Variants in TOP2A observed in about 807,000 individuals in gnomAD.
TOP2A encodes the protein DNA topoisomerase II alpha.
In TOP2A, 68 loss-of-function variants were observed where a neutral mutation model predicts 187.2. The observed-to-expected ratio is 0.36, with a 90% CI of 0.30 to 0.44. The LOEUF is 0.44. Among genes scored for constraint, TOP2A ranks in the 20% least tolerant of loss-of-function variants. The probability of loss-of-function intolerance (pLI) is 1.00; values close to 1 mark genes in which losing one functional copy is unlikely to be tolerated. For synonymous variants in TOP2A, 542 were observed against 593.2 expected (o/e 0.91, Z 1.25); for missense variants, 1,196 against 1,808.7 (o/e 0.66, Z 6.14).
Position 40,399,109 on chromosome 17 carries a change from T to C in TOP2A, c.3219A>G (p.Leu1073=). 1.9e-6 allele frequency: 3 copies of C among 1,562,964 alleles called. No individual in the cohort carries two copies. Among genetic ancestry groups the C allele is most frequent in the Non-Finnish European group, 2.6e-6 (3 of 1,151,302 alleles). ...IIIENKPKKE[L]IKVLIQRGYD... is the part of the protein sequence containing the mutation. The stretch of plus-strand genomic sequence containing the variant: ...ATCCCCTCTGAATCAGAACTTTAAT[T>C]AATTCTTTCTTAGGCTTATTTTCTA... The change falls in exon 25 of 35, where the codon TTA becomes TTG. Residue 1073 remains leucine, a synonymous_variant. Coordinates refer to ENST00000423485, the MANE Select transcript of TOP2A (RefSeq NM_001067.4).
chr17:40,406,844 A>G lies in TOP2A; in HGVS notation c.1725T>C (p.Thr575=). The change falls in exon 14 of 35, where the codon ACT becomes ACC. Residue 575 remains threonine (T), a synonymous_variant. Coordinates refer to ENST00000423485, the MANE Select transcript of TOP2A (RefSeq NM_001067.4). The stretch of plus-strand genomic sequence containing the variant: ...GAAATTAGCGTACCTTTACAATGGG[A>G]GTGATAAATTCCTCCAGAAAACGAT... ...LRHRFLEEFI[T]PIVKVSKNKQ... is the part of the protein sequence containing the mutation. The G allele has an allele frequency of 6.2e-7, 1 of 1,605,174 alleles. No homozygotes were observed. Among genetic ancestry groups the G allele is most frequent in the Non-Finnish European group, 8.5e-7 (1 of 1,174,674 alleles).
At chr17:40,396,597 A>G (rs753330128) in intron 27 of TOP2A, 132 bp from the exon 28 acceptor site, 37 of 1,120,012 alleles carry the variant, frequency 3.3e-5, no homozygotes, top group Non-Finnish European at 4.6e-5. Flanking sequence ...ATAACCTAGT[A>G]TACTATCAAC....
intron 23 of TOP2A, 65 bp downstream of exon 23, chr17:40,400,144 T>G: frequency 1.3e-6 from 2 of 1,583,998 alleles, no homozygotes; most frequent in Non-Finnish European, 1.7e-6. Flanking sequence ...AAGATATACT[T>G]TTAAAATTGA....
Position 40,399,960 on chromosome 17 carries a change from C to T in TOP2A, c.3108G>A (p.Trp1036Ter). ...ATTCAGCACCAAGCATTCCTAGGAG[C>T]CATTCTTTTCTTAATCCATAATATT... ...RLKYYGLRKE[W>*]LLGMLGAESA... The change falls in exon 24 of 35, where the codon TGG (tryptophan) becomes TGA (stop). Residue 1036 changes from tryptophan (W) to a stop codon, truncating the protein, a stop_gained. Transcript: ENST00000423485. LOFTEE classifies it high-confidence loss of function. 6.2e-7 allele frequency: 1 copy of T among 1,613,408 alleles called. No homozygotes were observed. Among genetic ancestry groups the T allele is most frequent in the Non-Finnish European group, 8.5e-7 (1 of 1,179,690 alleles).
chr17:40,399,231 C>T lies in TOP2A; in HGVS notation c.3197-100G>A, dbSNP rs189593245. 1.1e-4 allele frequency: 92 copies of T among 841,526 alleles called. No homozygotes were observed. In the African/African-American group the frequency reaches 1.3e-3, roughly 12 times the overall value. 52.1% of individuals were successfully genotyped at this position (841,526 alleles called of 1,614,324 possible). ...CAAAAGTTTAAAACTGGAAATTAAA[C>T]TGTCTTCGTGCTTGCATAAATTTGT... On this transcript the variant is annotated intron_variant, in intron 24 of 34. Coordinates refer to ENST00000423485, the MANE Select transcript of TOP2A (RefSeq NM_001067.4).
Position 40,402,956 on chromosome 17 carries a change from T to C in TOP2A, c.2382A>G (p.Leu794=), listed in dbSNP as rs766736084. The C allele has an allele frequency of 6.2e-7, 1 of 1,609,194 alleles. No individual in the cohort carries two copies. Among genetic ancestry groups the C allele is most frequent in the Non-Finnish European group, 8.5e-7 (1 of 1,177,640 alleles). The change falls in exon 20 of 35, where the codon CTA becomes CTG. Residue 794 remains leucine (L), a synonymous_variant. Coordinates refer to ENST00000423485, the MANE Select transcript of TOP2A (RefSeq NM_001067.4). The part of the protein sequence containing the change: ...LQPIGQFGTR[L]HGGKDSASPR... ...GACTAGCAGAATCCTTGCCACCATG[T>C]AGCCTGGTACCAAACTGACCAATGG...
Position 40,400,053 on chromosome 17 carries a change from G to A in TOP2A, c.3015C>T (p.His1005=), listed in dbSNP as rs372742697. 6.2e-6 allele frequency: 10 copies of A among 1,605,366 alleles called. No individual in the cohort carries two copies. Among genetic ancestry groups the A allele is most frequent in the East Asian group, 2.2e-5 (1 of 44,832 alleles). The change falls in exon 24 of 35, where the codon CAC becomes CAT. Residue 1005 remains histidine, a synonymous_variant. Transcript: ENST00000423485. ...TGTCATATTTCTTTAAACAGCCTAC[G>A]TGGTCAAAAAGCACCTGAAAAAGGA... ...LTCNSMVLFD[H]VGCLKKYDTV...
rs1290361466 is a variant in TOP2A at position 40,389,476 on chromosome 17, T to C, written c.*43A>G. 6.4e-7 allele frequency: 1 copy of C among 1,556,352 alleles called. No individual in the cohort carries two copies. The highest frequency in any genetic ancestry group is 8.7e-7 in the Non-Finnish European group (1 of 1,148,930). ...GCTTCAGGTAACTTTAAAACCAGTC[T>C]TGGGCTTGGTAAGATAATTACTTAA... On this transcript the variant is annotated 3_prime_UTR_variant, in exon 35 of 35. Transcript: ENST00000423485.
chr17:40,398,503 G>A (rs1247779073), intron 27 of TOP2A, 55 bp downstream of exon 27: 4 of 1,416,262 alleles, frequency 2.8e-6, no homozygotes, highest in Non-Finnish European at 3.9e-6. Flanking sequence ...GTATACTGCT[G>A]GAATATATTA....
chr17:40,394,778 G>A (rs1051065665), intron 29 of TOP2A, among the ~76,000 whole-genome samples: 1 of 152,136 alleles, frequency 6.6e-6, no homozygotes, highest in Non-Finnish European at 1.5e-5. Context: ...ATTTATATCC[G>A]AAGCATGATG....
chr17:40,411,275 A>G lies in TOP2A; in HGVS notation c.1066-29T>C. ...CAATAGAAGTTGATATTAAGCCACT[A>G]AAAATGTACTCATGCTTTATTTATA... is the stretch of plus-strand genomic sequence containing the variant. On this transcript the variant is annotated intron_variant, in intron 9 of 34. Transcript: ENST00000423485. This position sits in a 1 kb window ranked among gnomAD's most constrained non-coding sequence, Gnocchi z 4.4. 6.2e-7 allele frequency: 1 copy of G among 1,612,022 alleles called. No individual in the cohort carries two copies. Among genetic ancestry groups the G allele is most frequent in the Non-Finnish European group, 8.5e-7 (1 of 1,179,266 alleles).
chr17:40,394,437 A>G (rs934015451), intron 29 of TOP2A, among the ~76,000 whole-genome samples: 1 of 152,210 alleles, frequency 6.6e-6, no homozygotes, highest in Non-Finnish European at 1.5e-5. Flanking sequence ...GGTTCAAGCG[A>G]CACTCGTGCC....
rs2035321293 is a variant in TOP2A at position 40,411,461 on chromosome 17, A to T, written c.964-6T>A. 6.2e-7 allele frequency: 1 copy of T among 1,611,818 alleles called. No individual in the cohort carries two copies. Among genetic ancestry groups the T allele is most frequent in the Non-Finnish European group, 8.5e-7 (1 of 1,178,044 alleles). ...TAATCAACATGTCTGCCACCCTAAT[A>T]AGGAAAAATACCAAACTGTAAAACT... On this transcript the variant is annotated splice_region_variant and splice_polypyrimidine_tract_variant and intron_variant, in intron 8 of 34. Coordinates refer to ENST00000423485, the MANE Select transcript of TOP2A (RefSeq NM_001067.4). This position sits in a 1 kb window ranked among gnomAD's most constrained non-coding sequence, Gnocchi z 4.4.
intron 27 of TOP2A, among the ~76,000 whole-genome samples, chr17:40,396,803 CAACT>C (rs920317582): frequency 6.6e-6 from 1 of 151,760 alleles, no homozygotes; most frequent in African/African-American, 2.4e-5. Flanking sequence ...CTTATCCAAC[CAACT>C]GATTACAATG....
intron 16 of TOP2A, among the ~76,000 whole-genome samples, chr17:40,405,825 G>C (rs1567787381): frequency 6.6e-6 from 1 of 151,224 alleles, no homozygotes; most frequent in Admixed American, 6.6e-5. Flanking sequence ...GGAGAGCAGT[G>C]GCCTGATCTC....
chr17:40,413,371 A>C, intron 5 of TOP2A, 79 bp from the exon 6 acceptor site: 1 of 1,393,302 alleles, frequency 7.2e-7, no homozygotes, highest in Non-Finnish European at 9.8e-7. Context: ...TGGCAGAGCT[A>C]TTCAATTATA....
At chr17:40,415,234 T>G (rs1423205761) in intron 4 of TOP2A, among the ~76,000 whole-genome samples, 1 of 152,018 alleles carries the variant, frequency 6.6e-6, no homozygotes, top group African/African-American at 2.4e-5. Context: ...TTTTGTATTT[T>G]TAGTGGAGAC....
In TOP2A at chr17:40,404,372, C is replaced by A; in HGVS notation, c.2161+5G>T. The A allele has an allele frequency of 6.2e-7, 1 of 1,605,060 alleles. No individual in the cohort carries two copies. The highest frequency in any genetic ancestry group is 8.5e-7 in the Non-Finnish European group (1 of 1,174,094). On this transcript the variant is annotated splice_donor_5th_base_variant and intron_variant, in intron 18 of 34. Coordinates refer to ENST00000423485, the MANE Select transcript of TOP2A (RefSeq NM_001067.4). Reference sequence around the variant, plus strand: ...ATGAAAACAGACTAACAAATTGGAACTCACCATCCACCATAGAAGGGATAG... The same window carrying A: ...ATGAAAACAGACTAACAAATTGGAAATCACCATCCACCATAGAAGGGATAG...
At chr17:40,406,733 C>A in intron 14 of TOP2A, 44 bp from the exon 15 acceptor site, 2 of 1,575,828 alleles carry the variant, frequency 1.3e-6, no homozygotes, top group South Asian at 2.2e-5. Context: ...ACTGTGGGGT[C>A]CCCTGTATAC....
Sources: allele counts gnomAD v4.1 joint callset (sites outside exome capture counted in the v4.1 genomes callset), GRCh38; gene constraint gnomAD v4.1.1; non-coding constraint Gnocchi (gnomAD v3.1); transcripts MANE v1.5; gene names NCBI Gene and HGNC (gene_info 2026-07-23, HGNC 2026-07-21).